Variants in LIPM observed in about 807,000 individuals in gnomAD.
LIPM encodes lipase member M.
A neutral mutation model predicts 42.4 loss-of-function variants in LIPM; 42 were observed. That is an observed-to-expected ratio of 0.99 (90% confidence interval 0.77 to 1.28). The LOEUF is 1.28. Ranked by LOEUF, LIPM falls within the 50% of genes most tolerant of loss-of-function variation. LIPM has a pLI of 0.00. For synonymous variants in LIPM, 177 were observed against 173.3 expected (o/e 1.02, Z -0.17); for missense variants, 524 against 520.1 (o/e 1.01, Z -0.07).
chr10:88,813,164 G>A lies in LIPM; in HGVS notation c.333G>A (p.Leu111=). Residue 111 remains leucine (L), a synonymous_variant, in exon 3 of 9, where the codon CTG becomes CTA. Coordinates refer to ENST00000404743, the MANE Select transcript of LIPM (RefSeq NM_001128215.1). ...GTGCTAGCAACTGGATTTCCAACCT[G>A]CCCAACAATAGCCTGGGCTTCATTC... ...VGGASNWISN[L]PNNSLGFILA... 6.2e-7 allele frequency: 1 copy of A among 1,612,940 alleles called. No homozygotes were observed. The highest frequency in any genetic ancestry group is 8.5e-7 in the Non-Finnish European group (1 of 1,179,406).
Position 88,815,183 on chromosome 10 carries a change from C to A in LIPM, c.670C>A (p.Pro224Thr). 9 of 1,551,858 alleles carry A rather than the reference C, an allele frequency of 5.8e-6. No individual in the cohort carries two copies. The highest frequency in any genetic ancestry group is 7.8e-6 in the Non-Finnish European group (9 of 1,146,988). Residue 224 changes from proline to threonine, a missense_variant, in exon 5 of 9, where the codon CCC becomes ACC. Transcript: ENST00000404743. Reference sequence around the variant, plus strand: ...AGCCACTGTTAAGCATGCAAAAAGCCCCGGGACCAAATTTTTGTTGCTGCC... The same window carrying A: ...AGCCACTGTTAAGCATGCAAAAAGCACCGGGACCAAATTTTTGTTGCTGCC... ...PIATVKHAKS[P>T]GTKFLLLPDM...
At chr10:88,803,157 T>C (rs1275112233) in intron 1 of LIPM, 114 bp downstream of exon 1, 2 of 1,197,894 alleles carry the variant, frequency 1.7e-6, no homozygotes, top group Non-Finnish European at 1.2e-6. Context: ...TAGAAGAGCA[T>C]AGTGATGAAG....
chr10:88,820,085 G>C (rs1341368216), intron 8 of LIPM, 147 bp from the exon 9 acceptor site: 4 of 637,000 alleles, frequency 6.3e-6, no homozygotes, highest in Non-Finnish European at 1.0e-5. Flanking sequence ...GGCGGGAACA[G>C]AAATTCTTAA....
chr10:88,817,791 T>G (rs148720214), intron 7 of LIPM, 34 bp from the exon 8 acceptor site: 2 of 1,478,562 alleles, frequency 1.4e-6, no homozygotes, highest in African/African-American at 1.4e-5. Context: ...CACTGAGACG[T>G]TGGAATTCCT....
Position 88,817,900 on chromosome 10 carries a change from A to G in LIPM, c.1002+4A>G. 1 of 1,548,906 alleles carries G rather than the reference A, an allele frequency of 6.5e-7. No individual in the cohort carries two copies. Among genetic ancestry groups the G allele is most frequent in the Non-Finnish European group, 8.7e-7 (1 of 1,144,484 alleles). ...AAATCTGGAAAAATGCAATCAGGTA[A>G]GAAAATCAAATACCATCTGCTGAAA... On this transcript the variant is annotated splice_donor_region_variant and intron_variant, in intron 8 of 8. Coordinates refer to ENST00000404743, the MANE Select transcript of LIPM (RefSeq NM_001128215.1).
chr10:88,815,460 T>C lies in LIPM; in HGVS notation c.815T>C (p.Ile272Thr). 1 of 1,551,564 alleles carries C rather than the reference T, an allele frequency of 6.4e-7. No homozygotes were observed. The change falls in exon 6 of 9, where the codon ATC becomes ACC. Residue 272 changes from isoleucine (I) to threonine (T), a missense_variant. Physicochemically the swap from Ile to Thr is moderately conservative, Grantham distance 89 (BLOSUM62 -1). Transcript: ENST00000404743. ...ATTCTTGATCAGATTTGTAGTAATA[T>C]CATGTTACTTCTGGGTGGATTCAAC... ...QVILDQICSN[I>T]MLLLGGFNTN...
chr10:88,812,209 C>T (rs1843664028), intron 2 of LIPM, among the ~76,000 whole-genome samples: 1 of 152,146 alleles, frequency 6.6e-6, no homozygotes, highest in South Asian at 2.1e-4. Flanking sequence ...GAAGTTATAT[C>T]TTTCTTGGTT....
At chr10:88,819,042 C>T (rs1181887523) in intron 8 of LIPM, among the ~76,000 whole-genome samples, 1 of 149,456 alleles carries the variant, frequency 6.7e-6, no homozygotes, top group Non-Finnish European at 1.5e-5. Flanking sequence ...TGCACGCCAC[C>T]ATGCTCAGCT....
chr10:88,817,236 G>A (rs1330673546), intron 7 of LIPM, among the ~76,000 whole-genome samples: 1 of 152,188 alleles, frequency 6.6e-6, no homozygotes, highest in Non-Finnish European at 1.5e-5. Flanking sequence ...CAGTCAAGTA[G>A]AAACAAAAAT....
rs776601364 is a variant in LIPM at position 88,813,229 on chromosome 10, G to A, written c.398G>A (p.Arg133Lys). Residue 133 changes from arginine (R) to lysine (K), a missense_variant, in exon 3 of 9, where the codon AGG becomes AAG. Transcript: ENST00000404743. The part of the protein sequence containing the change: ...AGFDVWMGNS[R>K]GNAWSRKHKT... ...TTTGACGTGTGGATGGGGAACAGCA[G>A]GGGAAACGCCTGGTCTCGAAAACAC... The A allele has an allele frequency of 1.9e-5, 30 of 1,613,570 alleles. No homozygotes were observed. The highest frequency in any genetic ancestry group is 2.5e-5 in the Non-Finnish European group (30 of 1,179,720).
chr10:88,811,206 C>T (rs986620895), intron 2 of LIPM, among the ~76,000 whole-genome samples: 2 of 152,296 alleles, frequency 1.3e-5, no homozygotes, highest in African/African-American at 2.4e-5. Context: ...GATCTGAGGT[C>T]GGGCAGCATG....
At chr10:88,805,429 T>C (rs944857388) in intron 1 of LIPM, among the ~76,000 whole-genome samples, 5 of 152,244 alleles carry the variant, frequency 3.3e-5, no homozygotes, top group Non-Finnish European at 4.4e-5. Context: ...AAGCAGCTTA[T>C]ATCTGGATGG....
At chr10:88,818,655 G>T (rs1843746917) in intron 8 of LIPM, among the ~76,000 whole-genome samples, 1 of 151,966 alleles carries the variant, frequency 6.6e-6, no homozygotes, top group Non-Finnish European at 1.5e-5. Flanking sequence ...ATACTGGAAG[G>T]GGCAGATTAG....
At chr10:88,804,520 C>T (rs1843563891) in intron 1 of LIPM, among the ~76,000 whole-genome samples, 2 of 152,140 alleles carry the variant, frequency 1.3e-5, no homozygotes, top group African/African-American at 4.8e-5. Context: ...GCAGGACTTA[C>T]TTTCTGGTCC....
chr10:88,810,177 G>A (rs374271472), intron 2 of LIPM, among the ~76,000 whole-genome samples: 2 of 152,132 alleles, frequency 1.3e-5, no homozygotes, highest in East Asian at 1.9e-4. Flanking sequence ...GCACATTCTG[G>A]TGCTAATAAA....
intron 2 of LIPM, among the ~76,000 whole-genome samples, chr10:88,812,283 A>T (rs1843664930): frequency 6.6e-6 from 1 of 152,174 alleles, no homozygotes. Flanking sequence ...TAATGACTTC[A>T]TTAAGGTGGT....
At chr10:88,807,528 T>C (rs1843603857) in intron 1 of LIPM, among the ~76,000 whole-genome samples, 2 of 152,220 alleles carry the variant, frequency 1.3e-5, no homozygotes, top group South Asian at 4.1e-4. Flanking sequence ...CCAGAGAATG[T>C]CTACATGTAA....
At position 88,808,315 on chromosome 10, in the gene LIPM, T is replaced by A; in HGVS notation, c.165T>A (p.His55Gln). Residue 55 changes from histidine (H) to glutamine (Q), a missense_variant, in exon 2 of 9, where the codon CAT becomes CAA. Physicochemically the swap from His to Gln is conservative, Grantham distance 24. Transcript: ENST00000404743. ...TTCCATAGAGTGAAATCATCCAACA[T>A]CAAGGCTATCCCTGTGAGGAATATG... Reference protein sequence around the residue: ...AFMNISEIIQHQGYPCEEYEV... With the variant: ...AFMNISEIIQQQGYPCEEYEV... 1 of 1,548,586 alleles carries A rather than the reference T, an allele frequency of 6.5e-7. No homozygotes were observed. Among genetic ancestry groups the A allele is most frequent in the Non-Finnish European group, 8.7e-7 (1 of 1,144,220 alleles).
At chr10:88,805,465 C>G (rs1843574587) in intron 1 of LIPM, among the ~76,000 whole-genome samples, 2 of 152,086 alleles carry the variant, frequency 1.3e-5, no homozygotes, top group African/African-American at 2.4e-5. Flanking sequence ...CTTTTTTATA[C>G]TATTACAAAA....
Sources: allele counts gnomAD v4.1 joint callset (sites outside exome capture counted in the v4.1 genomes callset), GRCh38; gene constraint gnomAD v4.1.1; transcripts MANE v1.5; gene names NCBI Gene and HGNC (gene_info 2026-07-23, HGNC 2026-07-21).